LRRTM1: variants seen among roughly 807,000 people sequenced by gnomAD.
LRRTM1 encodes leucine-rich repeat transmembrane neuronal protein 1.
LRRTM1 carries 8 observed loss-of-function variants against 37.3 expected under a neutral mutation model. The observed-to-expected ratio is 0.21, with a 90% CI of 0.13 to 0.39. The LOEUF is 0.39. Ranked by LOEUF, LRRTM1 falls within the 10% of genes least tolerant of loss-of-function variation. The probability of loss-of-function intolerance (pLI) is 1.00; values close to 1 mark genes in which losing one functional copy is unlikely to be tolerated. For missense variants in LRRTM1, 557 were observed against 691.0 expected (o/e 0.81, Z 2.17); for synonymous variants, 326 against 316.8 (o/e 1.03, Z -0.31).
At chr2:80,293,007 A>G (rs1171633594) in intron 2 of LRRTM1, among the ~76,000 whole-genome samples, 2 of 152,226 alleles carry the variant, frequency 1.3e-5, no homozygotes, top group African/African-American at 4.8e-5. Context: ...GTGCTGCTGC[A>G]TTCTGAAAAG....
Position 80,302,723 on chromosome 2 carries a change from C to A in LRRTM1, c.1097G>T (p.Gly366Val). The change falls in exon 2 of 2, where the codon GGG becomes GTG. Residue 366 changes from glycine to valine, a missense_variant. By Grantham distance (109) the Gly-to-Val change is moderately radical (BLOSUM62 -3). This residue lies in a region of LRRTM1 where 89 missense variants were observed against 80.7 expected (regional missense o/e 1.10). Coordinates refer to ENST00000295057, the MANE Select transcript of LRRTM1 (RefSeq NM_178839.5). This position sits in a 1 kb window ranked among gnomAD's most constrained non-coding sequence, Gnocchi z 6.4. ...AVYAFHLCED[G>V]AEPTSGHLLS... ...CAGGTGGCCGCTGGTGGGCTCGGCC[C>A]CATCCTCGCACAGGTGGAAGGCGTA... The A allele has an allele frequency of 6.2e-7, 1 of 1,612,970 alleles. No homozygotes were observed. The highest frequency in any genetic ancestry group is 8.5e-7 in the Non-Finnish European group (1 of 1,179,848).
At chr2:80,291,938 T>C (rs940829736) in intron 2 of LRRTM1, among the ~76,000 whole-genome samples, 3 of 152,224 alleles carry the variant, frequency 2.0e-5, no homozygotes, top group Non-Finnish European at 4.4e-5. Flanking sequence ...GGCTAAGGCC[T>C]GGCCAGTTAG....
At chr2:80,296,690 G>C (rs1675775355) in intron 2 of LRRTM1, among the ~76,000 whole-genome samples, 1 of 152,158 alleles carries the variant, frequency 6.6e-6, no homozygotes, top group Non-Finnish European at 1.5e-5. Context: ...TTCTGTCGTG[G>C]AGCAGGGTTT....
At chr2:80,301,539 C>T (rs1205706759), downstream of LRRTM1, among the ~76,000 whole-genome samples, 2 of 152,194 alleles carry the variant, frequency 1.3e-5, no homozygotes, top group African/African-American at 4.8e-5. Flanking sequence ...ATTTGCAATG[C>T]TCTCTGCTTT....
chr2:80,300,949 GAA>G (rs34426087), downstream of LRRTM1, among the ~76,000 whole-genome samples: 1 of 130,120 alleles, frequency 7.7e-6, no homozygotes. Flanking sequence ...TCTCAACACA[GAA>G]AAAAAAAAAA....
chr2:80,296,452 T>C (rs1343744120), intron 2 of LRRTM1, among the ~76,000 whole-genome samples: 1 of 152,248 alleles, frequency 6.6e-6, no homozygotes. Context: ...AGTTTTGTCC[T>C]AGTTAATTTA....
chr2:80,299,743 TAC>T (rs1365349655), downstream of LRRTM1: 4 of 152,298 alleles, frequency 2.6e-5, no homozygotes, highest in Admixed American at 6.5e-5. Flanking sequence ...GGAGATAAAC[TAC>T]AGTTTCCAAT....
At position 80,302,752 on chromosome 2, in the gene LRRTM1, G is replaced by C; in HGVS notation, c.1068C>G (p.Ala356=). The C allele has an allele frequency of 6.2e-7, 1 of 1,613,148 alleles. No individual in the cohort carries two copies. The highest frequency in any genetic ancestry group is 8.5e-7 in the Non-Finnish European group (1 of 1,179,860). ...EYAQGEDVLD[A]VYAFHLCEDG... The stretch of plus-strand genomic sequence containing the variant: ...CCTCGCACAGGTGGAAGGCGTACAC[G>C]GCGTCCAGGACGTCCTCGCCCTGTG... The change falls in exon 2 of 2, where the codon GCC becomes GCG. Residue 356 remains alanine, a synonymous_variant. Coordinates refer to ENST00000295057, the MANE Select transcript of LRRTM1 (RefSeq NM_178839.5). The surrounding 1 kb of genome is among the most constrained non-coding windows in gnomAD (Gnocchi z 6.4).
chr2:80,291,147 A>G (rs987730949), intron 2 of LRRTM1, among the ~76,000 whole-genome samples: 10 of 152,354 alleles, frequency 6.6e-5, no homozygotes, highest in East Asian at 3.9e-4. Context: ...GACCAAAGAT[A>G]GTTTTTCCTC....
downstream of LRRTM1, chr2:80,299,520 T>C (rs540969905): frequency 1.1e-4 from 16 of 152,188 alleles, no homozygotes; most frequent in Non-Finnish European, 2.2e-4. Flanking sequence ...TAGCTTTCTA[T>C]GGTCATCATT....
rs776503949 is a variant in LRRTM1 at position 80,302,457 on chromosome 2, C to A, written c.1363G>T (p.Ala455Ser). The A allele has an allele frequency of 1.2e-6, 2 of 1,614,146 alleles. No individual in the cohort carries two copies. The highest frequency in any genetic ancestry group is 1.7e-5 in the Admixed American group (1 of 60,032). ...CACTGTCTGAGCTGCCTGAGGCTGGCTGGGAAACACTTCCAGGACACGTAG... is the reference window on the plus strand; with the variant it reads ...CACTGTCTGAGCTGCCTGAGGCTGGATGGGAAACACTTCCAGGACACGTAG... Reference protein sequence around the residue: ...VLYVSWKCFPASLRQLRQCFV... With the variant: ...VLYVSWKCFPSSLRQLRQCFV... The change falls in exon 2 of 2, where the codon GCC becomes TCC. Residue 455 changes from alanine (A) to serine (S), a missense_variant. By Grantham distance (99) the Ala-to-Ser change is moderately conservative. Around this residue, in one of 5 missense-constraint regions of LRRTM1, gnomAD observed 90 missense variants for 149.4 expected, o/e 0.60. Transcript: ENST00000295057. The surrounding 1 kb of genome is among the most constrained non-coding windows in gnomAD (Gnocchi z 6.4).
intron 2 of LRRTM1, among the ~76,000 whole-genome samples, chr2:80,290,785 T>C (rs564964279): frequency 2.0e-5 from 3 of 151,986 alleles, no homozygotes; most frequent in Non-Finnish European, 4.4e-5. Flanking sequence ...CTGGTGTAGC[T>C]CATAACTATG....
Position 80,303,776 on chromosome 2 carries a change from C to T in LRRTM1, c.44G>A (p.Arg15Lys), listed in dbSNP as rs757183643. 6.4e-7 allele frequency: 1 copy of T among 1,562,878 alleles called. No homozygotes were observed. The highest frequency in any genetic ancestry group is 8.7e-7 in the Non-Finnish European group (1 of 1,155,844). ...ACACAAGACCACCCCCGAGGGCCTC[C>T]TCAGCAGCCAGTATAGACAGAGACC... ...LLGLCLYWLL[R>K]RPSGVVLCLL... The change falls in exon 2 of 2, where the codon AGG (arginine) becomes AAG (lysine). Residue 15 changes from arginine (R) to lysine (K), a missense_variant. By Grantham distance (26) the Arg-to-Lys change is conservative. This residue lies in a region of LRRTM1 where 140 missense variants were observed against 138.1 expected (regional missense o/e 1.01). Transcript: ENST00000295057. This position sits in a 1 kb window ranked among gnomAD's most constrained non-coding sequence, Gnocchi z 7.7.
chr2:80,300,625 T>A (rs76343437), downstream of LRRTM1, among the ~76,000 whole-genome samples: 5 of 151,490 alleles, frequency 3.3e-5, no homozygotes, highest in South Asian at 2.1e-4. Context: ...CTTCTCTCTC[T>A]CAAAAAAAAG....
downstream of LRRTM1, chr2:80,298,485 G>T (rs144049226): frequency 6.6e-6 from 1 of 152,296 alleles, no homozygotes; most frequent in African/African-American, 2.4e-5. Flanking sequence ...ATGTCAGATA[G>T]ACTAGGCATC....
At chr2:80,291,463 A>G (rs1385856389) in intron 2 of LRRTM1, among the ~76,000 whole-genome samples, 1 of 152,262 alleles carries the variant, frequency 6.6e-6, no homozygotes, top group Non-Finnish European at 1.5e-5. Context: ...CTCCTCTGCC[A>G]GAAGAAAGGG....
chr2:80,297,377 G>A (rs1409804738), downstream of LRRTM1, among the ~76,000 whole-genome samples: 2 of 152,126 alleles, frequency 1.3e-5, no homozygotes, highest in Non-Finnish European at 2.9e-5. Context: ...TAAGCCTCAG[G>A]TTCTTCATGT....
At chr2:80,289,065 C>G (rs1675012571) in exon 3 of LRRTM1, 1 of 152,118 alleles carries the variant, frequency 6.6e-6, no homozygotes, top group South Asian at 2.1e-4. Flanking sequence ...GTTAATTAAG[C>G]CGAGATGGAT....
At chr2:80,295,157 T>C (rs1348906203) in intron 2 of LRRTM1, among the ~76,000 whole-genome samples, 2 of 152,032 alleles carry the variant, frequency 1.3e-5, no homozygotes, top group African/African-American at 4.8e-5. Context: ...ACTAGAAAGG[T>C]CTCTCAATTC....
Sources: allele counts gnomAD v4.1 joint callset (sites outside exome capture counted in the v4.1 genomes callset), GRCh38; gene constraint gnomAD v4.1.1; regional missense constraint gnomAD v4.1.1; non-coding constraint Gnocchi (gnomAD v3.1); transcripts MANE v1.5; gene names NCBI Gene and HGNC (gene_info 2026-07-23, HGNC 2026-07-21).